Variants in NDUFA13 observed in about 807,000 individuals in gnomAD.
NDUFA13 encodes NADH:ubiquinone oxidoreductase subunit A13, also known as NADH dehydrogenase [ubiquinone] 1 alpha subcomplex subunit 13.
A neutral mutation model predicts 17.0 loss-of-function variants in NDUFA13; 16 were observed. That is an observed-to-expected ratio of 0.94 (90% CI 0.64 to 1.43). The LOEUF is 1.43. Ranked by LOEUF, NDUFA13 falls within the 40% of genes most tolerant of loss-of-function variation. NDUFA13 has a pLI of 0.00. For synonymous variants in NDUFA13, 87 were observed against 78.4 expected (o/e 1.11, Z -0.58); for missense variants, 228 against 206.7 (o/e 1.10, Z -0.63).
At chr19:19,524,669 G>A (rs2061092574) in intron 1 of NDUFA13, among the ~76,000 whole-genome samples, 1 of 152,148 alleles carries the variant, frequency 6.6e-6, no homozygotes, top group South Asian at 2.1e-4. Flanking sequence ...AGCCTGGCGT[G>A]GTGGTGGGCG....
At chr19:19,518,551 T>G (rs779881788) in intron 1 of NDUFA13, among the ~76,000 whole-genome samples, 19 of 148,776 alleles carry the variant, frequency 1.3e-4, no homozygotes, top group Non-Finnish European at 2.7e-4. Flanking sequence ...GTTTTTTGGT[T>G]GTTGTTTTTT....
At chr19:19,516,721 T>G (rs1337586646) in intron 1 of NDUFA13, among the ~76,000 whole-genome samples, 1 of 152,210 alleles carries the variant, frequency 6.6e-6, no homozygotes, top group Non-Finnish European at 1.5e-5. Context: ...CAAGATGTTC[T>G]ATGCAGTGGT....
At chr19:19,525,844 T>C (rs758150790) in intron 1 of NDUFA13, among the ~76,000 whole-genome samples, 3 of 152,144 alleles carry the variant, frequency 2.0e-5, no homozygotes, top group Non-Finnish European at 2.9e-5. Flanking sequence ...CACGCGGAAC[T>C]GTGGCCCAGG....
chr19:19,518,445 G>T (rs541697312), intron 1 of NDUFA13, among the ~76,000 whole-genome samples: 2 of 152,194 alleles, frequency 1.3e-5, no homozygotes, highest in Non-Finnish European at 2.9e-5. Flanking sequence ...ATATTGGTCA[G>T]ACTGGTCTCG....
At chr19:19,526,352 G>A (rs2061099686) in intron 2 of NDUFA13, 92 bp downstream of exon 2, 16 of 1,402,648 alleles carry the variant, frequency 1.1e-5, no homozygotes, top group Non-Finnish European at 1.6e-5. Flanking sequence ...CTGGCGAGGG[G>A]TGAACGGGCC....
intron 1 of NDUFA13, chr19:19,525,976 T>G (rs1188970218): frequency 2.8e-6 from 4 of 1,430,646 alleles, no homozygotes; most frequent in African/African-American, 1.4e-5. Flanking sequence ...GCAACCACCA[T>G]CTAGACCCTC....
chr19:19,525,027 A>T (rs1790594347), intron 1 of NDUFA13, among the ~76,000 whole-genome samples: 1 of 152,058 alleles, frequency 6.6e-6, no homozygotes, highest in Non-Finnish European at 1.5e-5. Flanking sequence ...GCAGAGTGAG[A>T]CCTTGTCTCA....
intron 1 of NDUFA13, among the ~76,000 whole-genome samples, chr19:19,518,410 T>A (rs552308698): frequency 2.8e-4 from 42 of 151,800 alleles, no homozygotes; most frequent in African/African-American, 8.2e-4. Flanking sequence ...AATTTTTGTA[T>A]TTTTAGTAGA....
Position 19,521,898 on chromosome 19 carries a change from G to A in NDUFA13, c.95-4284G>A, listed in dbSNP as rs117509636. Among the ~76,000 whole-genome samples, 1,271 of 152,154 alleles carry A rather than the reference G, an allele frequency of 8.4e-3. 53 individuals are homozygous for A. In the East Asian group the frequency reaches 0.1, roughly 12 times the overall value. On this transcript the variant is annotated intron_variant, in intron 1 of 4. Transcript: ENST00000507754. Reference sequence around the variant, plus strand: ...ATTACAGGTGTGAGCCACTGCGCCCGGCTTAGTAGGGTTTTTTAAATTATT... The same window carrying A: ...ATTACAGGTGTGAGCCACTGCGCCCAGCTTAGTAGGGTTTTTTAAATTATT...
At position 19,528,134 on chromosome 19, in the gene NDUFA13, G is replaced by A. The variant is rs1487507524; in HGVS notation, c.*8G>A. ...TTCATGTGGTACACGTAGGCCCTGT[G>A]CCCTCCGGCCACCTGGATCCCTGCC... On this transcript the variant is annotated 3_prime_UTR_variant, in exon 5 of 5. Transcript: ENST00000507754. 1 of 1,611,018 alleles carries A rather than the reference G, an allele frequency of 6.2e-7. No individual in the cohort carries two copies. The highest frequency in any genetic ancestry group is 1.3e-5 in the African/African-American group (1 of 74,850).
intron 1 of NDUFA13, among the ~76,000 whole-genome samples, chr19:19,519,971 CT>C (rs397963977): frequency 0.011 from 1,306 of 120,254 alleles, 17 homozygotes; most frequent in African/African-American, 0.036. Context: ...TTTTTGTTCT[CT>C]TTTTTTTTTT....
At chr19:19,527,222 G>C (rs2061104974) in intron 2 of NDUFA13, 59 bp from the exon 3 acceptor site, 2 of 1,588,226 alleles carry the variant, frequency 1.3e-6, no homozygotes, top group Non-Finnish European at 1.7e-6. Flanking sequence ...GGTCTGTGCT[G>C]CCTGTGCTCC....
intron 1 of NDUFA13, among the ~76,000 whole-genome samples, chr19:19,516,679 G>A (rs1322042434): frequency 1.3e-5 from 2 of 152,234 alleles, no homozygotes; most frequent in African/African-American, 2.4e-5. Context: ...AGGCAAAGCT[G>A]AGGCCGCAAC....
chr19:19,525,440 C>A (rs2144644080), intron 1 of NDUFA13, among the ~76,000 whole-genome samples: 1 of 152,352 alleles, frequency 6.6e-6, no homozygotes, highest in South Asian at 2.1e-4. Context: ...GCCTTGCCTT[C>A]CACCTGCTGG....
intron 1 of NDUFA13, among the ~76,000 whole-genome samples, chr19:19,521,086 G>A (rs889597090): frequency 6.6e-6 from 1 of 152,192 alleles, no homozygotes; most frequent in Non-Finnish European, 1.5e-5. Flanking sequence ...GTAACTTCGT[G>A]TTTAACATTT....
chr19:19,522,713 C>T (rs1489135745), intron 1 of NDUFA13, among the ~76,000 whole-genome samples: 1 of 152,014 alleles, frequency 6.6e-6, no homozygotes, highest in African/African-American at 2.4e-5. Flanking sequence ...CTCCTGACCT[C>T]GTGATCCGCC....
Position 19,526,196 on chromosome 19 carries a change from G to A in NDUFA13, c.109G>A (p.Ala37Thr). 1 of 1,614,068 alleles carries A rather than the reference G, an allele frequency of 6.2e-7. No individual in the cohort carries two copies. The highest frequency in any genetic ancestry group is 8.5e-7 in the Non-Finnish European group (1 of 1,179,994). Residue 37 changes from alanine (A) to threonine (T), a missense_variant, in exon 2 of 5, where the codon GCC becomes ACC. Physicochemically the swap from Ala to Thr is moderately conservative, Grantham distance 58 (BLOSUM62 0). Coordinates refer to ENST00000507754, the MANE Select transcript of NDUFA13 (RefSeq NM_015965.7). Reference sequence around the variant, plus strand: ...TCTCTTCACAGGCTACAGCATGCTGGCCATAGGGATTGGAACCCTGATCTA... The same window carrying A: ...TCTCTTCACAGGCTACAGCATGCTGACCATAGGGATTGGAACCCTGATCTA... ...RRGLSGYSML[A>T]IGIGTLIYGH...
At chr19:19,527,608 G>GAGGGAGGCTTGA (rs1441388062) in intron 3 of NDUFA13, 93 bp from the exon 4 acceptor site, 2 of 1,089,590 alleles carry the variant, frequency 1.8e-6, no homozygotes, top group Non-Finnish European at 2.7e-6. Flanking sequence ...GACAGGGTCG[G>GAGGGAGGCTTGA]AGGGAGGCTT....
At chr19:19,524,071 A>G (rs1342793417) in intron 1 of NDUFA13, among the ~76,000 whole-genome samples, 4 of 152,178 alleles carry the variant, frequency 2.6e-5, no homozygotes, top group African/African-American at 9.6e-5. Context: ...ATTTGATCCC[A>G]CCACTGCACT....
Sources: allele counts gnomAD v4.1 joint callset (sites outside exome capture counted in the v4.1 genomes callset), GRCh38; gene constraint gnomAD v4.1.1; transcripts MANE v1.5; gene names NCBI Gene and HGNC (gene_info 2026-07-23, HGNC 2026-07-21).